PLEKHA5: variants seen among roughly 807,000 people sequenced by gnomAD.
PLEKHA5 encodes pleckstrin homology domain containing A5, also known as pleckstrin homology domain-containing family A member 5.
In PLEKHA5, 55 loss-of-function variants were observed where a neutral mutation model predicts 181.9. The observed-to-expected ratio is 0.30, with a 90% CI of 0.24 to 0.38. The LOEUF (loss-of-function observed/expected upper bound fraction) is 0.38. PLEKHA5 is among the 10% of genes least tolerant of loss of function. The pLI is 1.00. For synonymous variants in PLEKHA5, 535 were observed against 529.4 expected (o/e 1.01, Z -0.15); for missense variants, 1,432 against 1,549.5 (o/e 0.92, Z 1.27).
chr12:19,159,127 G>C (rs2042405918), intron 3 of PLEKHA5, among the ~76,000 whole-genome samples: 1 of 152,130 alleles, frequency 6.6e-6, no homozygotes, highest in Admixed American at 6.5e-5. Context: ...GTTTGTTATT[G>C]TTTGGTAAGA....
Position 19,366,097 on chromosome 12 carries a change from C to A in PLEKHA5, c.3742C>A (p.Gln1248Lys), listed in dbSNP as rs1565671484. Residue 1248 changes from glutamine to lysine, a missense_variant, in exon 30 of 32, where the codon CAA (glutamine) becomes AAA (lysine). Physicochemically the swap from Gln to Lys is moderately conservative, Grantham distance 53 (BLOSUM62 1). Transcript: ENST00000429027. ...AACTCCTGAGGTTTCTAGAGGAAAT[C>A]AAACAATGGCAGGTAGGTAGTATAC... Reference protein sequence around the residue: ...ESTPEVSRGNQTMAVKSLSPS... With the variant: ...ESTPEVSRGNKTMAVKSLSPS... The A allele has an allele frequency of 6.2e-7, 1 of 1,610,590 alleles. No homozygotes were observed.
chr12:19,288,932 C>G (rs2077803985), intron 13 of PLEKHA5, among the ~76,000 whole-genome samples: 1 of 152,146 alleles, frequency 6.6e-6, no homozygotes, highest in African/African-American at 2.4e-5. Context: ...ATCTTTCATC[C>G]TTTTGAAAAT....
chr12:19,224,090 T>C (rs747893958), intron 3 of PLEKHA5, among the ~76,000 whole-genome samples: 9 of 152,212 alleles, frequency 5.9e-5, no homozygotes, highest in Non-Finnish European at 7.4e-5. Context: ...ATTTAATAGA[T>C]TAACTGTCTT....
chr12:19,172,619 A>G (rs2046174644), intron 3 of PLEKHA5, among the ~76,000 whole-genome samples: 3 of 152,216 alleles, frequency 2.0e-5, no homozygotes, highest in South Asian at 4.1e-4. Flanking sequence ...AAACAAAACA[A>G]TGGAGACAAC....
chr12:19,301,047 T>C (rs183807307), intron 15 of PLEKHA5, among the ~76,000 whole-genome samples: 102 of 151,240 alleles, frequency 6.7e-4, no homozygotes, highest in African/African-American at 2.4e-3. Context: ...CTACTCAGGA[T>C]CCTGAGGCAG....
chr12:19,274,738 A>T lies in PLEKHA5; in HGVS notation c.1068A>T (p.Pro356=). Residue 356 remains proline, a synonymous_variant, in exon 11 of 32, where the codon CCA becomes CCT. Coordinates refer to ENST00000429027, the MANE Select transcript of PLEKHA5 (RefSeq NM_001256470.2). Reference sequence around the variant, plus strand: ...ATAGTGTAAAGCTGAATTCTCTGCCATCTGAATATGAGAGTGGGTCAGCAT... The same window carrying T: ...ATAGTGTAAAGCTGAATTCTCTGCCTTCTGAATATGAGAGTGGGTCAGCAT... ...KINSVKLNSL[P]SEYESGSACP... 3 of 1,614,142 alleles carry T rather than the reference A, an allele frequency of 1.9e-6. No individual in the cohort carries two copies. Among genetic ancestry groups the T allele is most frequent in the Non-Finnish European group, 2.5e-6 (3 of 1,179,944 alleles).
At chr12:19,146,472 G>T (rs1031258781) in intron 3 of PLEKHA5, among the ~76,000 whole-genome samples, 1 of 152,050 alleles carries the variant, frequency 6.6e-6, no homozygotes, top group South Asian at 2.1e-4. Flanking sequence ...TATTTTGGTT[G>T]TGCACCCCTA....
At chr12:19,169,628 T>C (rs1319989092) in intron 3 of PLEKHA5, among the ~76,000 whole-genome samples, 1 of 152,150 alleles carries the variant, frequency 6.6e-6, no homozygotes, top group Non-Finnish European at 1.5e-5. Flanking sequence ...ATTCAGGAAA[T>C]ATGTGATTGG....
intron 7 of PLEKHA5, 92 bp from the exon 8 acceptor site, chr12:19,265,658 A>C (rs2070112512): frequency 1.4e-6 from 1 of 714,860 alleles, no homozygotes; most frequent in Non-Finnish European, 2.5e-6. Context: ...ATTTATGTAC[A>C]AGAACCTTTT....
chr12:19,250,910 A>G (rs1237741127), intron 3 of PLEKHA5, among the ~76,000 whole-genome samples: 1 of 152,144 alleles, frequency 6.6e-6, no homozygotes, highest in African/African-American at 2.4e-5. Context: ...GGGAAAATGG[A>G]TCTAGGAGCA....
At chr12:19,198,699 A>AT (rs2053520154) in intron 3 of PLEKHA5, among the ~76,000 whole-genome samples, 3 of 152,126 alleles carry the variant, frequency 2.0e-5, no homozygotes, top group Admixed American at 2.0e-4. Flanking sequence ...TTAATTACAA[A>AT]TTTTTAATAC....
At chr12:19,305,753 G>A (rs911502521) in intron 15 of PLEKHA5, among the ~76,000 whole-genome samples, 23 of 150,374 alleles carry the variant, frequency 1.5e-4, no homozygotes, top group African/African-American at 5.4e-4. Context: ...CCAGCTGCTC[G>A]GGAGTCTGAG....
At chr12:19,230,138 G>T (rs572739827) in intron 3 of PLEKHA5, among the ~76,000 whole-genome samples, 1 of 151,952 alleles carries the variant, frequency 6.6e-6, no homozygotes, top group South Asian at 2.1e-4. Flanking sequence ...AGACATAAGG[G>T]TTCTCCAGGT....
At chr12:19,138,572 C>CAA (rs61416754) in intron 3 of PLEKHA5, among the ~76,000 whole-genome samples, 3,061 of 85,684 alleles carry the variant, frequency 0.036, 109 homozygotes, top group African/African-American at 0.12. Flanking sequence ...GACTCTGTCT[C>CAA]AAAAAAAAAA....
chr12:19,301,416 A>C (rs1409482682), intron 15 of PLEKHA5, among the ~76,000 whole-genome samples: 2 of 152,174 alleles, frequency 1.3e-5, no homozygotes, highest in African/African-American at 4.8e-5. Flanking sequence ...GGATAAACAT[A>C]GTAGTAGCCT....
At chr12:19,249,661 A>G (rs2064747101) in intron 3 of PLEKHA5, among the ~76,000 whole-genome samples, 1 of 152,212 alleles carries the variant, frequency 6.6e-6, no homozygotes, top group African/African-American at 2.4e-5. Flanking sequence ...ATACATGTAT[A>G]TGCTGACTAA....
rs1331293970 is a variant in PLEKHA5, at chr12:19,333,716, C to T, written c.2449-2799C>T. On this transcript the variant is annotated intron_variant, in intron 20 of 31. Transcript: ENST00000429027. ...CTCCACCCCCCAGGTTCAAGCAATTCTCCTGTCTCGGCCTCCCAAGTAGCT... is the reference window on the plus strand; with the variant it reads ...CTCCACCCCCCAGGTTCAAGCAATTTTCCTGTCTCGGCCTCCCAAGTAGCT... Among the ~76,000 whole-genome samples, 8 of 149,438 alleles carry T rather than the reference C, an allele frequency of 5.4e-5. No homozygotes were observed. In the Admixed American group the frequency reaches 5.4e-4, roughly 10 times the overall value.
chr12:19,319,912 ATGAAATT>A, intron 16 of PLEKHA5, 102 bp from the exon 17 acceptor site: 1 of 634,576 alleles, frequency 1.6e-6, no homozygotes, highest in Admixed American at 3.7e-5. Flanking sequence ...TAAACTTTTT[ATGAAATT>A]TGACTATCCA....
chr12:19,216,208 T>C (rs1182236514), intron 3 of PLEKHA5, among the ~76,000 whole-genome samples: 2 of 152,232 alleles, frequency 1.3e-5, no homozygotes, highest in African/African-American at 2.4e-5. Flanking sequence ...GGTGGTATAA[T>C]AGACAATTTG....
Sources: gnomAD v4.1 joint callset for allele counts (sites outside exome capture counted in the v4.1 genomes callset) on GRCh38, gnomAD v4.1.1 for gene constraint, MANE v1.5 for transcripts, NCBI Gene and HGNC (gene_info 2026-07-23, HGNC 2026-07-21) for gene names.